The following CDH12 variants were observed in gnomAD, a reference collection of about 807,000 sequenced individuals.
The protein encoded by CDH12 is cadherin-12.
A neutral mutation model predicts 74.1 loss-of-function variants in CDH12; 41 were observed. The observed-to-expected ratio is 0.55, with a 90% CI of 0.43 to 0.72. CDH12 has a LOEUF of 0.72. CDH12 is among the 30% of genes least tolerant of loss of function. The pLI is 0.00. For missense variants in CDH12, 945 were observed against 977.2 expected (o/e 0.97, Z 0.44); for synonymous variants, 399 against 355.0 (o/e 1.12, Z -1.39).
At chr5:22,749,267 G>A (rs1241625014) in intron 1 of CDH12, among the ~76,000 whole-genome samples, 1 of 152,230 alleles carries the variant, frequency 6.6e-6, no homozygotes, top group Non-Finnish European at 1.5e-5. Context: ...AGACCTGTCT[G>A]AAGCGCAGGT....
chr5:21,835,669 A>T (rs941084740), intron 8 of CDH12, among the ~76,000 whole-genome samples: 3 of 151,834 alleles, frequency 2.0e-5, no homozygotes, highest in Admixed American at 6.6e-5. Context: ...CCACATCAAG[A>T]TGTAGCTGAA....
rs568405430 is a variant in CDH12 at position 21,806,925 on chromosome 5, C to T, written c.1003-4505G>A. ...ACTGATGCCCTCCTTGGTCCTGGGC[C>T]AAAACCATGTTTGCAAAACTAAAGA... On this transcript the variant is annotated intron_variant, in intron 9 of 14. Coordinates refer to ENST00000382254, the MANE Select transcript of CDH12 (RefSeq NM_004061.5). Among the ~76,000 whole-genome samples the T allele has an allele frequency of 4.6e-5, 7 of 152,232 alleles. No individual in the cohort carries two copies. The South Asian group carries it at 1.5e-3, about 32-fold the overall frequency.
At chr5:22,224,334 T>C (rs1752120130) in intron 3 of CDH12, among the ~76,000 whole-genome samples, 1 of 152,054 alleles carries the variant, frequency 6.6e-6, no homozygotes, top group South Asian at 2.1e-4. Flanking sequence ...TACTGACAAA[T>C]TGAGGCTAAC....
chr5:21,796,286 A>C (rs1296989903), intron 10 of CDH12, among the ~76,000 whole-genome samples: 1 of 152,042 alleles, frequency 6.6e-6, no homozygotes, highest in African/African-American at 2.4e-5. Context: ...TGAGCAACTT[A>C]CGTTAGCCTA....
chr5:22,315,119 C>CTTTTTTTTTTTTTTTT lies in CDH12; in HGVS notation c.-333+90122_-333+90137dup, dbSNP rs70959715. Reference sequence around the variant, plus strand: ...GGCGCCTGCCACCGTGCCTGCCTGGCTTTTTTTTTTTTTTTTTTTTTTTTA... The same window carrying CTTTTTTTTTTTTTTTT: ...GGCGCCTGCCACCGTGCCTGCCTGGCTTTTTTTTTTTTTTTTTTTTTTTTTTTTTTTTTTTTTTTTA... On this transcript the variant is annotated intron_variant, in intron 3 of 14. Transcript: ENST00000382254. Among the ~76,000 whole-genome samples, 21 of 22,994 alleles carry CTTTTTTTTTTTTTTTT rather than the reference C, an allele frequency of 9.1e-4. 7 individuals are homozygous for CTTTTTTTTTTTTTTTT. The highest frequency in any genetic ancestry group is 1.1e-3 in the Non-Finnish European group (16 of 14,504). The allele number at this position is 22,994 out of a possible 152,430, so 15.1% of individuals were successfully genotyped here. A position where few individuals can be genotyped will look rare whatever the true frequency, so the allele number is the denominator to read the frequency against.
intron 6 of CDH12, among the ~76,000 whole-genome samples, chr5:21,901,895 T>C (rs1186525902): frequency 6.9e-6 from 1 of 144,634 alleles, no homozygotes; most frequent in African/African-American, 2.5e-5. Flanking sequence ...ATTTGCTGTG[T>C]TATAATTATG....
At chr5:22,046,065 T>C (rs571622121) in intron 5 of CDH12, among the ~76,000 whole-genome samples, 29 of 152,266 alleles carry the variant, frequency 1.9e-4, no homozygotes, top group Admixed American at 5.9e-4. Flanking sequence ...CCAATGTAAA[T>C]ATAAGGGCAT....
intron 2 of CDH12, among the ~76,000 whole-genome samples, chr5:22,456,135 A>ATAT (rs1745261770): frequency 7.0e-6 from 1 of 142,378 alleles, no homozygotes; most frequent in African/African-American, 2.6e-5. Flanking sequence ...ATATATATAT[A>ATAT]AAACGATCTC....
intron 3 of CDH12, among the ~76,000 whole-genome samples, chr5:22,294,595 C>A (rs1480165675): frequency 6.6e-6 from 1 of 152,114 alleles, no homozygotes; most frequent in Non-Finnish European, 1.5e-5. Context: ...TGGGGTTAAT[C>A]TGAAGTCAAC....
At chr5:22,538,852 G>A (rs1015207787) in intron 1 of CDH12, among the ~76,000 whole-genome samples, 2 of 152,116 alleles carry the variant, frequency 1.3e-5, no homozygotes, top group African/African-American at 4.8e-5. Flanking sequence ...GTCAATATTT[G>A]TATTAACACT....
intron 8 of CDH12, among the ~76,000 whole-genome samples, chr5:21,833,337 T>TAAC (rs1749312071): frequency 1.5e-5 from 1 of 65,540 alleles, no homozygotes; most frequent in Non-Finnish European, 2.3e-5. Context: ...TATTATATAT[T>TAAC]ATATAACATA....
At chr5:22,244,788 GAA>G (rs781304545) in intron 3 of CDH12, among the ~76,000 whole-genome samples, 15,910 of 131,252 alleles carry the variant, frequency 0.12, 1,159 homozygotes, top group Non-Finnish European at 0.17. Flanking sequence ...AAGAAAGAAA[GAA>G]AGAAAGAAAG....
At chr5:21,773,894 AT>A (rs1228428119) in intron 11 of CDH12, among the ~76,000 whole-genome samples, 1 of 152,130 alleles carries the variant, frequency 6.6e-6, no homozygotes, top group Non-Finnish European at 1.5e-5. Flanking sequence ...ATATAATAGC[AT>A]TTAGGTTAAT....
At chr5:21,819,419 C>T (rs1450164200) in intron 8 of CDH12, among the ~76,000 whole-genome samples, 1 of 151,738 alleles carries the variant, frequency 6.6e-6, no homozygotes, top group East Asian at 1.9e-4. Flanking sequence ...TTTTTTTCTT[C>T]TAAAATGCCC....
chr5:21,767,789 C>T (rs950563031), intron 11 of CDH12, among the ~76,000 whole-genome samples: 2 of 151,654 alleles, frequency 1.3e-5, no homozygotes, highest in African/African-American at 4.8e-5. Context: ...TTAAGAACGT[C>T]ACCTAATATT....
At chr5:22,088,652 G>A (rs887429654) in intron 4 of CDH12, among the ~76,000 whole-genome samples, 2 of 152,064 alleles carry the variant, frequency 1.3e-5, no homozygotes, top group African/African-American at 2.4e-5. Context: ...TGTCTCAGGG[G>A]GCATACTTTA....
intron 1 of CDH12, among the ~76,000 whole-genome samples, chr5:22,770,981 T>C (rs1746776358): frequency 6.6e-6 from 1 of 152,124 alleles, no homozygotes; most frequent in African/African-American, 2.4e-5. Context: ...CACGCTAAGT[T>C]ATAATGTTTA....
chr5:22,069,578 G>T (rs1419188523), intron 5 of CDH12, among the ~76,000 whole-genome samples: 3 of 152,132 alleles, frequency 2.0e-5, no homozygotes, highest in Non-Finnish European at 4.4e-5. Context: ...TCCAGAAGGA[G>T]GCATGTTTCC....
At chr5:22,375,300 A>G (rs2920762) in intron 3 of CDH12, among the ~76,000 whole-genome samples, 128,233 of 152,022 alleles carry the variant, frequency 0.84, 54,155 homozygotes, top group African/African-American at 0.87. Flanking sequence ...AATTCAATAT[A>G]TATTGAAGAC....
Sources: allele counts gnomAD v4.1 joint callset (sites outside exome capture counted in the v4.1 genomes callset), GRCh38; gene constraint gnomAD v4.1.1; transcripts MANE v1.5; gene names NCBI Gene and HGNC (gene_info 2026-07-23, HGNC 2026-07-21).